Variants in DLG5 observed in about 807,000 individuals in gnomAD.
The protein encoded by DLG5 is discs large MAGUK scaffold protein 5.
DLG5 carries 48 observed loss-of-function variants against 189.8 expected under a neutral mutation model. The observed-to-expected ratio is 0.25, with a 90% CI of 0.20 to 0.32. The LOEUF is 0.32. DLG5 is among the 10% of genes least tolerant of loss of function. DLG5 has a pLI of 1.00. For synonymous variants in DLG5, 1,016 were observed against 1,054.1 expected (o/e 0.96, Z 0.70); for missense variants, 2,160 against 2,544.7 (o/e 0.85, Z 3.25).
At chr10:77,898,633 C>A (rs772244790) in intron 1 of DLG5, among the ~76,000 whole-genome samples, 2 of 152,236 alleles carry the variant, frequency 1.3e-5, no homozygotes, top group African/African-American at 4.8e-5. Context: ...CAGCTCCTGA[C>A]GGCACACGAG....
At chr10:77,798,161 T>A (rs2154574877) in intron 27 of DLG5, among the ~76,000 whole-genome samples, 1 of 152,304 alleles carries the variant, frequency 6.6e-6, no homozygotes, top group South Asian at 2.1e-4. Flanking sequence ...TACTCCAGCC[T>A]GGGCAACAGA....
rs953721689 is a variant in DLG5 at position 77,791,110 on chromosome 10, A to G, written c.*1330T>C. 6.6e-6 allele frequency: 1 copy of G among 152,632 alleles called. No individual in the cohort carries two copies. The highest frequency in any genetic ancestry group is 6.5e-5 in the Admixed American group (1 of 15,280). 9.5% of individuals were successfully genotyped at this position (152,632 alleles called of 1,614,324 possible). The stretch of plus-strand genomic sequence containing the variant: ...TGTGCAAGAAAATATATCCCTTTTT[A>G]AAAAACATCAGTTATGGCTAAACTA... On this transcript the variant is annotated 3_prime_UTR_variant, in exon 32 of 32. Transcript: ENST00000372391.
chr10:77,937,749 G>A, the DLG5 span, among the ~76,000 whole-genome samples: 67 of 131,712 alleles, frequency 5.1e-4, no homozygotes, highest in East Asian at 8.8e-3. Context: ...ACAGAGTTTC[G>A]CTCTTGTTGC....
At chr10:77,830,976 A>C in intron 9 of DLG5, 103 bp from the exon 10 acceptor site, 6 of 1,357,196 alleles carry the variant, frequency 4.4e-6, no homozygotes, top group Non-Finnish European at 5.0e-6. Flanking sequence ...AACAGCTAAA[A>C]TGGGTTCCTT....
At chr10:77,804,832 T>A (rs1841390925) in intron 27 of DLG5, among the ~76,000 whole-genome samples, 1 of 152,136 alleles carries the variant, frequency 6.6e-6, no homozygotes, top group Non-Finnish European at 1.5e-5. Context: ...AAGCAGCCTG[T>A]AAGAACCTAA....
chr10:77,823,480 C>T (rs527749820), intron 14 of DLG5, among the ~76,000 whole-genome samples: 16 of 150,710 alleles, frequency 1.1e-4, no homozygotes, highest in African/African-American at 3.7e-4. Flanking sequence ...AATGATACTA[C>T]AGAACACTGG....
chr10:77,854,476 C>A lies in DLG5; in HGVS notation c.537-106G>T, dbSNP rs1188524586. The A allele has an allele frequency of 3.5e-6, 5 of 1,417,908 alleles. No homozygotes were observed. The African/African-American group carries it at 7.1e-5, about 20-fold the overall frequency. 87.8% of individuals were successfully genotyped at this position (1,417,908 alleles called of 1,614,324 possible). On this transcript the variant is annotated intron_variant, in intron 3 of 31. Coordinates refer to ENST00000372391, the MANE Select transcript of DLG5 (RefSeq NM_004747.4). Reference sequence around the variant, plus strand: ...AGCCCAGTGGTTCCCCAGTACTGGTCTTCTATGCACCACACACACCTGGGT... The same window carrying A: ...AGCCCAGTGGTTCCCCAGTACTGGTATTCTATGCACCACACACACCTGGGT...
At position 77,816,555 on chromosome 10, in the gene DLG5, C is replaced by T; in HGVS notation, c.4021G>A (p.Asp1341Asn). The change falls in exon 20 of 32, where the codon GAC becomes AAC. Residue 1341 changes from aspartate (D) to asparagine (N), a missense_variant. Asp to Asn is a conservative substitution (Grantham distance 23). Around this residue, in one of 5 missense-constraint regions of DLG5, gnomAD observed 754 missense variants for 746.5 expected, o/e 1.01. Coordinates refer to ENST00000372391, the MANE Select transcript of DLG5 (RefSeq NM_004747.4). Reference sequence around the variant, plus strand: ...CCGATGACCGGCCATGCTCACCTGTCCTTTCTCCGCTCCCCGAGGGACGCG... The same window carrying T: ...CCGATGACCGGCCATGCTCACCTGTTCTTTCTCCGCTCCCCGAGGGACGCG... ...NPASLGERRK[D>N]RPYVEEPRHV... is the part of the protein sequence containing the mutation. 6.2e-7 allele frequency: 1 copy of T among 1,614,078 alleles called. No individual in the cohort carries two copies. Among genetic ancestry groups the T allele is most frequent in the Non-Finnish European group, 8.5e-7 (1 of 1,179,980 alleles).
chr10:77,796,151 A>T lies in DLG5; in HGVS notation c.5346T>A (p.Gly1782=), dbSNP rs1470418199. 1.1e-5 allele frequency: 18 copies of T among 1,614,098 alleles called. No individual in the cohort carries two copies. The highest frequency in any genetic ancestry group is 1.7e-4 in the Middle Eastern group (1 of 6,042). ...AGTCGACAAACAGGCAATCTTTGACACCCCGCTCAATGGCCTGCTGGGAGG... is the reference window on the plus strand; with the variant it reads ...AGTCGACAAACAGGCAATCTTTGACTCCCCGCTCAATGGCCTGCTGGGAGG... ...MKASQQAIER[G]VKDCLFVDYK... The change falls in exon 29 of 32, where the codon GGT becomes GGA. Residue 1782 remains glycine (G), a synonymous_variant. Transcript: ENST00000372391. This position sits in a 1 kb window ranked among gnomAD's most constrained non-coding sequence, Gnocchi z 5.2.
intron 27 of DLG5, among the ~76,000 whole-genome samples, chr10:77,797,317 A>C (rs994436343): frequency 1.3e-5 from 2 of 152,248 alleles, no homozygotes; most frequent in Non-Finnish European, 2.9e-5. Flanking sequence ...AGGGAGACAC[A>C]GTCTAAAACC....
intron 5 of DLG5, among the ~76,000 whole-genome samples, chr10:77,845,657 A>G (rs1248675): frequency 0.26 from 38,903 of 150,726 alleles, 5,562 homozygotes; most frequent in Admixed American, 0.39. Flanking sequence ...GAGAGAAAGA[A>G]AGGGAAAGGA....
intron 7 of DLG5, among the ~76,000 whole-genome samples, chr10:77,840,190 C>A (rs946488257): frequency 6.6e-6 from 1 of 151,814 alleles, no homozygotes; most frequent in Non-Finnish European, 1.5e-5. Flanking sequence ...CCAGCCTGGG[C>A]AACATAGTGA....
upstream of DLG5, chr10:77,927,054 G>T (rs1846724010): frequency 4.5e-6 from 1 of 224,684 alleles, no homozygotes; most frequent in South Asian, 4.7e-5. Context: ...GCTCACCGGG[G>T]CCCCGCGGCC....
chr10:77,891,539 C>T (rs985859895), intron 1 of DLG5, among the ~76,000 whole-genome samples: 3 of 150,898 alleles, frequency 2.0e-5, no homozygotes, highest in South Asian at 4.2e-4. Flanking sequence ...GCTCATTATT[C>T]ATAGGCTGGT....
intron 2 of DLG5, among the ~76,000 whole-genome samples, chr10:77,863,856 C>G (rs911664775): frequency 1.2e-4 from 18 of 152,280 alleles, no homozygotes; most frequent in African/African-American, 4.3e-4. Context: ...GCCAGCCCTG[C>G]GCTGCTCTTT....
intron 16 of DLG5, 182 bp downstream of exon 16, chr10:77,819,713 G>A: frequency 8.7e-7 from 1 of 1,148,128 alleles, no homozygotes; most frequent in Non-Finnish European, 1.2e-6. Flanking sequence ...ATGTTGACAA[G>A]CTAAGACATG....
chr10:77,816,275 G>C, intron 20 of DLG5: 1 of 672,674 alleles, frequency 1.5e-6, no homozygotes, highest in Non-Finnish European at 2.7e-6. Context: ...GGCCCAGGAA[G>C]GTGTAAATGG....
intron 16 of DLG5, 112 bp downstream of exon 16, chr10:77,819,783 A>G: frequency 4.8e-6 from 7 of 1,468,738 alleles, no homozygotes; most frequent in Non-Finnish European, 9.0e-7. Context: ...TCTGGACCTC[A>G]GGGCTGAAAA....
At chr10:77,813,965 G>A (rs1310696034) in intron 20 of DLG5, among the ~76,000 whole-genome samples, 2 of 152,128 alleles carry the variant, frequency 1.3e-5, no homozygotes, top group African/African-American at 2.4e-5. Context: ...GAGGGGATCT[G>A]AGCTAATCTT....
Sources: gnomAD v4.1 joint callset for allele counts (sites outside exome capture counted in the v4.1 genomes callset) on GRCh38, gnomAD v4.1.1 for gene constraint, gnomAD v4.1.1 regional missense constraint, Gnocchi (gnomAD v3.1) non-coding constraint, MANE v1.5 for transcripts, NCBI Gene and HGNC (gene_info 2026-07-23, HGNC 2026-07-21) for gene names.